ELAVL2: variants seen among roughly 807,000 people sequenced by gnomAD.
The protein encoded by ELAVL2 is ELAV-like protein 2.
Under a neutral mutation model 34.6 loss-of-function variants are expected in ELAVL2, and 4 were observed. The observed-to-expected ratio is 0.12, with a 90% CI of 0.06 to 0.26. ELAVL2 has a LOEUF of 0.26. ELAVL2 is among the 10% of genes least tolerant of loss of function. The pLI is 1.00. For synonymous variants in ELAVL2, 193 were observed against 154.8 expected (o/e 1.25, Z -1.83); for missense variants, 432 against 442.8 (o/e 0.98, Z 0.22).
chr9:23,761,057 T>C (rs959888687), intron 2 of ELAVL2, among the ~76,000 whole-genome samples: 3 of 152,228 alleles, frequency 2.0e-5, no homozygotes, highest in Non-Finnish European at 4.4e-5. Flanking sequence ...CAATGTCACA[T>C]GACTAGGTGA....
intron 6 of ELAVL2, 23 bp downstream of exon 6, chr9:23,693,425 G>C (rs765683959): frequency 1.2e-6 from 2 of 1,613,620 alleles, no homozygotes; most frequent in Non-Finnish European, 1.7e-6. Context: ...GGGATTATGA[G>C]TATCATGAAC....
rs200036587 is a variant in ELAVL2 at position 23,790,064 on chromosome 9, AG to A, written c.-15-27816del. Among the ~76,000 whole-genome samples the A allele has an allele frequency of 1.8e-3, 278 of 150,334 alleles. 2 individuals carry two copies. Among genetic ancestry groups the A allele is most frequent in the African/African-American group, 6.4e-3 (262 of 41,082 alleles). ...CAAAATGACAGGTTGATGGTAAAAA[AG>A]GGGAAAAAAAAAAAACAACCTTTCA... is the stretch of plus-strand genomic sequence containing the variant. On this transcript the variant is annotated intron_variant, in intron 1 of 6. Coordinates refer to ENST00000397312, the MANE Select transcript of ELAVL2 (RefSeq NM_004432.5).
At chr9:23,759,050 G>C (rs1040344216) in intron 2 of ELAVL2, among the ~76,000 whole-genome samples, 1 of 151,958 alleles carries the variant, frequency 6.6e-6, no homozygotes, top group African/African-American at 2.4e-5. Context: ...GTATGATCCA[G>C]CATCCCCACT....
chr9:23,716,589 T>G (rs547792238), intron 3 of ELAVL2, among the ~76,000 whole-genome samples: 1 of 152,152 alleles, frequency 6.6e-6, no homozygotes, highest in South Asian at 2.1e-4. Flanking sequence ...TTATAAGCAA[T>G]AGACAGAAGC....
intron 2 of ELAVL2, among the ~76,000 whole-genome samples, chr9:23,747,768 C>G (rs1302167645): frequency 2.0e-5 from 3 of 152,082 alleles, no homozygotes; most frequent in Admixed American, 1.3e-4. Context: ...CTGTTAAGCC[C>G]CAACACAGGA....
Position 23,785,978 on chromosome 9 carries a change from C to G in ELAVL2, c.-15-23729G>C, listed in dbSNP as rs1239179916. 2.6e-5 allele frequency among the ~76,000 whole-genome samples: 4 copies of G among 152,176 alleles called. No individual in the cohort carries two copies. The East Asian group carries it at 7.7e-4, about 29-fold the overall frequency. ...CTATGAGGTCACCTGGCATAGTGAT[C>G]TACTGCAAGAACAGCCTGACTGGTC... is the stretch of plus-strand genomic sequence containing the variant. On this transcript the variant is annotated intron_variant, in intron 1 of 6. Transcript: ENST00000397312.
chr9:23,719,536 C>A (rs989847159), intron 3 of ELAVL2, among the ~76,000 whole-genome samples: 1 of 152,176 alleles, frequency 6.6e-6, no homozygotes, highest in African/African-American at 2.4e-5. Flanking sequence ...GGGGAAAACA[C>A]TGTAAGCCTT....
chr9:23,720,241 C>T (rs1160790204), intron 3 of ELAVL2, among the ~76,000 whole-genome samples: 1 of 151,544 alleles, frequency 6.6e-6, no homozygotes, highest in Non-Finnish European at 1.5e-5. Context: ...GGTGTAATCT[C>T]GGCTCACAGC....
intron 2 of ELAVL2, among the ~76,000 whole-genome samples, chr9:23,731,773 A>G (rs1268009984): frequency 1.3e-5 from 2 of 152,200 alleles, no homozygotes; most frequent in Non-Finnish European, 2.9e-5. Context: ...ATGACATCGA[A>G]GACAATGAGA....
the ELAVL2 span, among the ~76,000 whole-genome samples, chr9:23,843,794 C>T: frequency 6.6e-6 from 1 of 151,788 alleles, no homozygotes; most frequent in African/African-American, 2.4e-5. Flanking sequence ...TGGTAGAGCA[C>T]AGAAGAATGA....
chr9:23,729,102 C>T lies in ELAVL2; in HGVS notation c.333+1920G>A, dbSNP rs762284474. Among the ~76,000 whole-genome samples the T allele has an allele frequency of 7.2e-5, 11 of 152,298 alleles. No homozygotes were observed. The South Asian group carries it at 8.3e-4, about 11-fold the overall frequency. On this transcript the variant is annotated intron_variant, in intron 3 of 6. Transcript: ENST00000397312. ...TCATCAACTGTCTCCTTGAAGGCCA[C>T]GGGCATTTCTCCTGTGGAGACCTAT... is the stretch of plus-strand genomic sequence containing the variant.
At chr9:23,821,891 GGCGGGGCCGGCGGCGAGTTC>G (rs1177394201) in intron 1 of ELAVL2, 2 of 151,288 alleles carry the variant, frequency 1.3e-5, no homozygotes, top group African/African-American at 4.8e-5. Flanking sequence ...AGCGCCAGGA[GGCGGGGCCGGCGGCGAGTTC>G]GCGGCGCCGC....
At chr9:23,723,720 T>A (rs955035047) in intron 3 of ELAVL2, among the ~76,000 whole-genome samples, 18 of 152,152 alleles carry the variant, frequency 1.2e-4, no homozygotes, top group African/African-American at 4.3e-4. Context: ...ATGGTTTGCT[T>A]GAATCTCTTC....
chr9:23,717,651 AAC>A (rs949552967), intron 3 of ELAVL2, among the ~76,000 whole-genome samples: 14 of 152,134 alleles, frequency 9.2e-5, no homozygotes, highest in African/African-American at 2.7e-4. Flanking sequence ...CTCTGAAATC[AAC>A]ACAGAGGCCT....
chr9:23,810,556 A>G (rs1396790525), intron 1 of ELAVL2, among the ~76,000 whole-genome samples: 1 of 152,168 alleles, frequency 6.6e-6, no homozygotes, highest in Non-Finnish European at 1.5e-5. Context: ...GAAGCAATAC[A>G]TTCTCAAACA....
the ELAVL2 span, among the ~76,000 whole-genome samples, chr9:23,844,961 T>C: frequency 6.6e-6 from 1 of 151,960 alleles, no homozygotes; most frequent in African/African-American, 2.4e-5. Context: ...TCCTTTGTTT[T>C]TTTCTTACTT....
At position 23,796,503 on chromosome 9, in the gene ELAVL2, A is replaced by T. The variant is rs1252805694; in HGVS notation, c.-16+29303T>A. 2.0e-5 allele frequency among the ~76,000 whole-genome samples: 3 copies of T among 152,252 alleles called. No homozygotes were observed. In the East Asian group the frequency reaches 5.8e-4, roughly 29 times the overall value. On this transcript the variant is annotated intron_variant, in intron 1 of 6. Transcript: ENST00000397312. ...TCGAGGAAAGCAAAATACTGCCAAA[A>T]GGCAAAAACAGCTTCACACTCTAAC... is the stretch of plus-strand genomic sequence containing the variant.
intron 1 of ELAVL2, among the ~76,000 whole-genome samples, chr9:23,783,307 A>C (rs1378265912): frequency 6.6e-6 from 1 of 152,236 alleles, no homozygotes. Flanking sequence ...TCAAGGTGCC[A>C]AGACTGGAAG....
At chr9:23,770,107 G>A (rs1396875831) in intron 1 of ELAVL2, among the ~76,000 whole-genome samples, 1 of 152,234 alleles carries the variant, frequency 6.6e-6, no homozygotes. Context: ...GTACAGCAAT[G>A]AAGAAGCATC....
Sources: gnomAD v4.1 joint callset for allele counts (sites outside exome capture counted in the v4.1 genomes callset) on GRCh38, gnomAD v4.1.1 for gene constraint, MANE v1.5 for transcripts, NCBI Gene and HGNC (gene_info 2026-07-23, HGNC 2026-07-21) for gene names.